Variants in TMEM151B observed in about 807,000 individuals in gnomAD.
The protein encoded by TMEM151B is transmembrane protein 151B, also known as transmembrane protein 193.
TMEM151B carries 18 observed loss-of-function variants against 33.0 expected under a neutral mutation model. The ratio of observed to expected loss-of-function variants is 0.55; its 90% CI spans 0.38 to 0.81. The LOEUF is 0.81. Among genes scored for constraint, TMEM151B ranks in the 30% least tolerant of loss-of-function variants. TMEM151B has a pLI of 0.00. For missense variants in TMEM151B, 672 were observed against 843.4 expected, an observed-to-expected ratio of 0.80 and a Z score of 2.52; for synonymous variants, 354 against 373.6, an observed-to-expected ratio of 0.95 and a Z score of 0.61.
Position 44,276,848 on chromosome 6 carries a change from C to T in TMEM151B, c.*321C>T, listed in dbSNP as rs1202512844. Reference sequence around the variant, plus strand: ...AACAGATCTTCTGTTAGATGACAACCGTGCCGTGGGCCCCGCGTTGGGCCT... The same window carrying T: ...AACAGATCTTCTGTTAGATGACAACTGTGCCGTGGGCCCCGCGTTGGGCCT... On this transcript the variant is annotated 3_prime_UTR_variant, in exon 3 of 3. Transcript: ENST00000451188. The T allele has an allele frequency of 3.4e-6, 1 of 291,120 alleles. No individual in the cohort carries two copies. The highest frequency in any genetic ancestry group is 6.1e-6 in the Non-Finnish European group (1 of 165,194). The allele number at this position is 291,120 out of a possible 1,614,324, so 18.0% of individuals were successfully genotyped here.
chr6:44,273,374 TGTGCGGGAAC>T lies in TMEM151B; in HGVS notation c.448_457del (p.Arg150TrpfsTer111). 5 of 1,551,524 alleles carry T rather than the reference TGTGCGGGAAC, an allele frequency of 3.2e-6. No homozygotes were observed. The highest frequency in any genetic ancestry group is 3.5e-6 in the Non-Finnish European group (4 of 1,147,002). On this transcript the variant is annotated frameshift_variant, in exon 2 of 3. Coordinates refer to ENST00000451188, the MANE Select transcript of TMEM151B (RefSeq NM_001137560.2). LOFTEE classifies it high-confidence loss of function. Reference sequence around the variant, plus strand: ...TGCAGCACCGTGTTGATGTGAGCAGTGTGCGGGAACGTGTGGGCCGCATGCAGCAAGCCAC... The same window carrying T: ...TGCAGCACCGTGTTGATGTGAGCAGTGTGTGGGCCGCATGCAGCAAGCCAC...
chr6:44,273,084 T>A lies in TMEM151B; in HGVS notation c.154T>A (p.Ser52Thr). The change falls in exon 2 of 3, where the codon TCT (serine) becomes ACT (threonine). Residue 52 changes from serine to threonine, a missense_variant. Around this residue, in one of 3 missense-constraint regions of TMEM151B, gnomAD observed 285 missense variants for 423.1 expected, o/e 0.67. Coordinates refer to ENST00000451188, the MANE Select transcript of TMEM151B (RefSeq NM_001137560.2). ...AREEQRPIQP[S>T]FTKSLCRESH... ...TGAGCAGCAGCGTCCCATCCAGCCC[T>A]CTTTCACCAAGTCCCTCTGCCGTGA... The A allele has an allele frequency of 6.7e-7, 1 of 1,499,740 alleles. No individual in the cohort carries two copies. The highest frequency in any genetic ancestry group is 8.9e-7 in the Non-Finnish European group (1 of 1,117,822). The allele number at this position is 1,499,740 out of a possible 1,614,324, so 92.9% of individuals were successfully genotyped here.
In TMEM151B at chr6:44,275,442, G is replaced by C; in HGVS notation, c.616G>C (p.Glu206Gln). 3 of 1,538,192 alleles carry C rather than the reference G, an allele frequency of 2.0e-6. No homozygotes were observed. In the African/African-American group the frequency reaches 4.1e-5, roughly 21 times the overall value. ...CGTCAACACGCACGTGGCGGAGGCT[G>C]AGTTCGACTACGCGCGCTGCGGCGT... Reference protein sequence around the residue: ...ERVNTHVAEAEFDYARCGVRD... With the variant: ...ERVNTHVAEAQFDYARCGVRD... The change falls in exon 3 of 3, where the codon GAG (glutamate) becomes CAG (glutamine). Residue 206 changes from glutamate to glutamine, a missense_variant. By Grantham distance (29) the Glu-to-Gln change is conservative. Coordinates refer to ENST00000451188, the MANE Select transcript of TMEM151B (RefSeq NM_001137560.2).
Position 44,273,145 on chromosome 6 carries a change from TGTAC to T in TMEM151B, c.217_220del (p.Tyr73AlafsTer14). The T allele has an allele frequency of 6.5e-7, 1 of 1,543,278 alleles. No homozygotes were observed. ...AAGTGCCTCCTGCTCTCGCTGCTCATGTACGGCTGCCTGGGGGCAGTGGCCTGGT... is the reference window on the plus strand; with the variant it reads ...AAGTGCCTCCTGCTCTCGCTGCTCATGGCTGCCTGGGGGCAGTGGCCTGGT... On this transcript the variant is annotated frameshift_variant, in exon 2 of 3. Transcript: ENST00000451188. LOFTEE classifies it high-confidence loss of function.
chr6:44,276,613 C>CGGTGACTG lies in TMEM151B; in HGVS notation c.*87_*94dup. 7.8e-7 allele frequency: 1 copy of CGGTGACTG among 1,289,148 alleles called. No individual in the cohort carries two copies. Among genetic ancestry groups the CGGTGACTG allele is most frequent in the Non-Finnish European group, 9.8e-7 (1 of 1,018,056 alleles). The allele number at this position is 1,289,148 out of a possible 1,614,324, so 79.9% of individuals were successfully genotyped here. ...CTCTGCGACGCAGGGCGAGTCACCACGGTGACTGAGGCCGCGCGGGGGGCA... is the reference window on the plus strand; with the variant it reads ...CTCTGCGACGCAGGGCGAGTCACCACGGTGACTGGGTGACTGAGGCCGCGCGGGGGGCA... On this transcript the variant is annotated 3_prime_UTR_variant, in exon 3 of 3. Coordinates refer to ENST00000451188, the MANE Select transcript of TMEM151B (RefSeq NM_001137560.2).
chr6:44,276,137 G>A lies in TMEM151B; in HGVS notation c.1311G>A (p.Gln437=). The change falls in exon 3 of 3, where the codon CAG becomes CAA. Residue 437 remains glutamine (Q), a synonymous_variant. Transcript: ENST00000451188. ...ACCGGCGCAGCTGCGAGCACTGCCAGCGCGCCGTCAGCAGCTCGTCTATCT... is the reference window on the plus strand; with the variant it reads ...ACCGGCGCAGCTGCGAGCACTGCCAACGCGCCGTCAGCAGCTCGTCTATCT... ...APYRRSCEHC[Q]RAVSSSSIFS... 1 of 1,316,810 alleles carries A rather than the reference G, an allele frequency of 7.6e-7. No individual in the cohort carries two copies. Among genetic ancestry groups the A allele is most frequent in the Non-Finnish European group, 9.6e-7 (1 of 1,041,650 alleles). The allele number at this position is 1,316,810 out of a possible 1,614,324, so 81.6% of individuals were successfully genotyped here. A position where few individuals can be genotyped will look rare whatever the true frequency, so the allele number is the denominator to read the frequency against.
Position 44,276,822 on chromosome 6 carries a change from C to T in TMEM151B, c.*295C>T, listed in dbSNP as rs1379515965. 1.3e-5 allele frequency: 5 copies of T among 377,904 alleles called. No homozygotes were observed. The highest frequency in any genetic ancestry group is 1.0e-4 in the Admixed American group (2 of 20,044). 23.4% of individuals were successfully genotyped at this position (377,904 alleles called of 1,614,324 possible). ...GACACCTCCCTCCTGTCCAGCCCTT[C>T]AACAGATCTTCTGTTAGATGACAAC... On this transcript the variant is annotated 3_prime_UTR_variant, in exon 3 of 3. Transcript: ENST00000451188.
At chr6:44,271,124 G>T (rs1430079743) in intron 1 of TMEM151B, among the ~76,000 whole-genome samples, 2 of 151,618 alleles carry the variant, frequency 1.3e-5, no homozygotes, top group African/African-American at 2.4e-5. Context: ...TAGGGGCGGA[G>T]CCTCGCGGAT....
chr6:44,270,947 C>A, intron 1 of TMEM151B, 70 bp downstream of exon 1: 1 of 990,858 alleles, frequency 1.0e-6, no homozygotes, highest in South Asian at 4.6e-5. Flanking sequence ...TCGCACGCGT[C>A]CCCCGCTGGT....
In TMEM151B at chr6:44,276,223, G is replaced by A. The variant is rs1487998382; in HGVS notation, c.1397G>A (p.Gly466Asp). ...SPRAGPGPGG[G>D]AGCGGSRFSL... The stretch of plus-strand genomic sequence containing the variant: ...CGGGCCGGCCCGGGGCCCGGTGGGG[G>A]CGCGGGCTGCGGGGGCAGCCGCTTC... The change falls in exon 3 of 3, where the codon GGC becomes GAC. Residue 466 changes from glycine (G) to aspartate (D), a missense_variant. By Grantham distance (94) the Gly-to-Asp change is moderately conservative. This residue lies in a region of TMEM151B where 324 missense variants were observed against 363.1 expected (regional missense o/e 0.89). Coordinates refer to ENST00000451188, the MANE Select transcript of TMEM151B (RefSeq NM_001137560.2). 1.0e-5 allele frequency: 13 copies of A among 1,293,258 alleles called. No individual in the cohort carries two copies. The East Asian group carries it at 2.5e-4, about 25-fold the overall frequency. 80.1% of individuals were successfully genotyped at this position (1,293,258 alleles called of 1,614,324 possible).
In TMEM151B at chr6:44,273,498, A is replaced by G. The variant is rs1782447093; in HGVS notation, c.568A>G (p.Thr190Ala). The G allele has an allele frequency of 6.5e-7, 1 of 1,541,170 alleles. No individual in the cohort carries two copies. Among genetic ancestry groups the G allele is most frequent in the Non-Finnish European group, 8.8e-7 (1 of 1,139,370 alleles). ...TRYRNGDAYT[T>A]TQVYHERVNT... Reference sequence around the variant, plus strand: ...ATACCGCAATGGAGACGCCTATACCACCACCCAGGTGAGGAGCTGGTGGGG... The same window carrying G: ...ATACCGCAATGGAGACGCCTATACCGCCACCCAGGTGAGGAGCTGGTGGGG... The change falls in exon 2 of 3, where the codon ACC becomes GCC. Residue 190 changes from threonine (T) to alanine (A), a missense_variant. Coordinates refer to ENST00000451188, the MANE Select transcript of TMEM151B (RefSeq NM_001137560.2).
Position 44,277,189 on chromosome 6 carries a change from C to T in TMEM151B, c.*662C>T, listed in dbSNP as rs1230797889. ...TGTTGTTTATCTAACTGGGCCCCCA[C>T]TCCAGGTCCAGAGGGACTGTGCTCA... On this transcript the variant is annotated 3_prime_UTR_variant, in exon 3 of 3. Transcript: ENST00000451188. 1 of 152,386 alleles carries T rather than the reference C, an allele frequency of 6.6e-6. No homozygotes were observed. The highest frequency in any genetic ancestry group is 1.5e-5 in the Non-Finnish European group (1 of 68,154). The allele number at this position is 152,386 out of a possible 1,614,324, so 9.4% of individuals were successfully genotyped here.
intron 2 of TMEM151B, among the ~76,000 whole-genome samples, chr6:44,275,071 TGG>T (rs1782516736): frequency 7.2e-6 from 1 of 138,082 alleles, no homozygotes; most frequent in Admixed American, 7.9e-5. Context: ...TGAGCCGAGA[TGG>T]CGCCACTGCA....
At chr6:44,271,044 C>T (rs1782315273) in intron 1 of TMEM151B, among the ~76,000 whole-genome samples, 167 bp downstream of exon 1, 1 of 149,738 alleles carries the variant, frequency 6.7e-6, no homozygotes, top group South Asian at 2.1e-4. Context: ...GCGGCCGGAG[C>T]TGTCCGCGGT....
Position 44,273,291 on chromosome 6 carries a change from C to A in TMEM151B, c.361C>A (p.Leu121Ile). Residue 121 changes from leucine to isoleucine, a missense_variant, in exon 2 of 3, where the codon CTC (leucine) becomes ATC (isoleucine). Leu to Ile is a conservative substitution (Grantham distance 5, BLOSUM62 2). Transcript: ENST00000451188. ...GYVYIPLAFLLMLYAVYLVEC... is the reference protein window; with the variant it reads ...GYVYIPLAFLIMLYAVYLVEC... ...TGTCTACATCCCCCTGGCCTTCCTG[C>A]TCATGTTGTACGCCGTCTACCTGGT... The A allele has an allele frequency of 6.4e-7, 1 of 1,551,784 alleles. No individual in the cohort carries two copies. Among genetic ancestry groups the A allele is most frequent in the African/African-American group, 1.4e-5 (1 of 73,182 alleles).
At chr6:44,274,186 C>A (rs986789850) in intron 2 of TMEM151B, among the ~76,000 whole-genome samples, 9 of 151,746 alleles carry the variant, frequency 5.9e-5, no homozygotes, top group Non-Finnish European at 1.3e-4. Context: ...GTGCAAGACC[C>A]CATCTCAAAA....
rs910667607 is a variant in TMEM151B at position 44,278,467 on chromosome 6, T to C, written c.*1940T>C. 1 of 152,234 alleles carries C rather than the reference T, an allele frequency of 6.6e-6. No individual in the cohort carries two copies. The highest frequency in any genetic ancestry group is 2.4e-5 in the African/African-American group (1 of 41,452). The allele number at this position is 152,234 out of a possible 1,614,324, so 9.4% of individuals were successfully genotyped here. On this transcript the variant is annotated 3_prime_UTR_variant, in exon 3 of 3. Coordinates refer to ENST00000451188, the MANE Select transcript of TMEM151B (RefSeq NM_001137560.2). ...ATGGACATCTGTGAGGTACAGGTGGTGAGCTGCAGCCTCAGGCTCCATTTC... is the reference window on the plus strand; with the variant it reads ...ATGGACATCTGTGAGGTACAGGTGGCGAGCTGCAGCCTCAGGCTCCATTTC...
At chr6:44,273,570 C>T in intron 2 of TMEM151B, 64 bp downstream of exon 2, 1 of 1,476,774 alleles carries the variant, frequency 6.8e-7, no homozygotes, top group Non-Finnish European at 9.1e-7. Flanking sequence ...TGCTGCCTCA[C>T]TCCCTCCCCA....
Position 44,275,844 on chromosome 6 carries a change from TCGGCCAG to T in TMEM151B, c.1020_1026del (p.Ser342GlnfsTer25). On this transcript the variant is annotated frameshift_variant, in exon 3 of 3. Transcript: ENST00000451188. LOFTEE classifies it high-confidence loss of function. The stretch of plus-strand genomic sequence containing the variant: ...GCTATTTGGCCTGGAGGGCCCGGGC[TCGGCCAG>T]CAGCGCAGGCGGTGGCCTCAGCCCC... 1 of 1,541,902 alleles carries T rather than the reference TCGGCCAG, an allele frequency of 6.5e-7. No individual in the cohort carries two copies. The highest frequency in any genetic ancestry group is 8.7e-7 in the Non-Finnish European group (1 of 1,145,770).
Sources: gnomAD v4.1 joint callset for allele counts (sites outside exome capture counted in the v4.1 genomes callset) on GRCh38, gnomAD v4.1.1 for gene constraint, gnomAD v4.1.1 regional missense constraint, MANE v1.5 for transcripts, NCBI Gene and HGNC (gene_info 2026-07-23, HGNC 2026-07-21) for gene names.